Variants in IMMP2L observed in about 807,000 individuals in gnomAD.
IMMP2L encodes the protein inner mitochondrial membrane peptidase subunit 2.
In IMMP2L, 18 loss-of-function variants were observed where a neutral mutation model predicts 19.3. The observed-to-expected ratio is 0.93, with a 90% confidence interval of 0.64 to 1.38. The LOEUF is 1.38. Ranked by LOEUF, IMMP2L falls within the 40% of genes most tolerant of loss-of-function variation. The pLI, the probability that IMMP2L is intolerant of heterozygous loss-of-function variation, is 0.00. For synonymous variants in IMMP2L, 76 were observed against 73.0 expected (o/e 1.04, Z -0.21); for missense variants, 233 against 218.2 (o/e 1.07, Z -0.43).
At chr7:110,963,394 C>T (rs1819170963) in intron 4 of IMMP2L, 106 bp downstream of exon 4, 10 of 738,526 alleles carry the variant, frequency 1.4e-5, no homozygotes, top group Non-Finnish European at 2.2e-5. Flanking sequence ...TGGAATGTCT[C>T]CAAAACTTTG....
At chr7:110,922,248 T>G (rs533435635) in intron 4 of IMMP2L, among the ~76,000 whole-genome samples, 1 of 152,234 alleles carries the variant, frequency 6.6e-6, no homozygotes, top group Admixed American at 6.5e-5. Context: ...ATGGCAATGT[T>G]TGTAAACTGT....
chr7:110,784,888 C>T (rs984971546), intron 5 of IMMP2L, among the ~76,000 whole-genome samples: 3 of 151,858 alleles, frequency 2.0e-5, no homozygotes, highest in African/African-American at 7.2e-5. Context: ...TAGCCACTCA[C>T]CACAGAGATT....
chr7:111,236,051 T>A (rs1008226659), intron 3 of IMMP2L, among the ~76,000 whole-genome samples: 1 of 152,134 alleles, frequency 6.6e-6, no homozygotes, highest in Non-Finnish European at 1.5e-5. Context: ...CTTCCATTTC[T>A]GTGCTTAATG....
chr7:110,698,808 G>A lies in IMMP2L; in HGVS notation c.409-35087C>T, dbSNP rs772287016. Among the ~76,000 whole-genome samples, 3 of 152,186 alleles carry A rather than the reference G, an allele frequency of 2.0e-5. No individual in the cohort carries two copies. In the South Asian group the frequency reaches 6.2e-4, roughly 31 times the overall value. On this transcript the variant is annotated intron_variant, in intron 5 of 5. Transcript: ENST00000405709. The stretch of plus-strand genomic sequence containing the variant: ...ACATCATTTGAGTCATCACTTGCAA[G>A]TCTTTCAAAAGTTTTCATAAATATT...
intron 3 of IMMP2L, among the ~76,000 whole-genome samples, chr7:111,393,835 A>G (rs1414890059): frequency 6.6e-6 from 1 of 152,080 alleles, no homozygotes; most frequent in South Asian, 2.1e-4. Flanking sequence ...CCTTCTTTTG[A>G]TTCTCTGCTC....
chr7:111,316,840 T>C (rs976359817), intron 3 of IMMP2L, among the ~76,000 whole-genome samples: 4 of 143,180 alleles, frequency 2.8e-5, no homozygotes, highest in Admixed American at 7.5e-5. Context: ...GCTCCTTTTT[T>C]TTTTCTTTTT....
chr7:111,489,237 G>A (rs910715841), intron 2 of IMMP2L, among the ~76,000 whole-genome samples: 2 of 151,766 alleles, frequency 1.3e-5, no homozygotes, highest in African/African-American at 4.8e-5. Context: ...TAGAGACGGG[G>A]TTTCACCATG....
chr7:111,466,091 C>T (rs970564181), intron 3 of IMMP2L, among the ~76,000 whole-genome samples: 7 of 152,120 alleles, frequency 4.6e-5, no homozygotes, highest in African/African-American at 4.8e-5. Context: ...AACCAAACAC[C>T]ACTTGTTCTC....
At chr7:111,031,816 G>A (rs989093871) in intron 3 of IMMP2L, among the ~76,000 whole-genome samples, 1 of 151,902 alleles carries the variant, frequency 6.6e-6, no homozygotes, top group Non-Finnish European at 1.5e-5. Context: ...AGGTGATCAA[G>A]GTGATAAATC....
At chr7:111,055,191 A>G (rs1391112298) in intron 3 of IMMP2L, among the ~76,000 whole-genome samples, 1 of 152,024 alleles carries the variant, frequency 6.6e-6, no homozygotes, top group Non-Finnish European at 1.5e-5. Context: ...CTGGAACTAC[A>G]GGTGTGAGCC....
intron 5 of IMMP2L, among the ~76,000 whole-genome samples, chr7:110,726,074 T>C (rs1584624173): frequency 6.6e-6 from 1 of 152,326 alleles, no homozygotes; most frequent in South Asian, 2.1e-4. Context: ...AGCTGGAATT[T>C]GATCCAAATG....
chr7:111,267,879 A>G (rs1817996702), intron 3 of IMMP2L, among the ~76,000 whole-genome samples: 1 of 152,092 alleles, frequency 6.6e-6, no homozygotes. Context: ...TTGTATAAAA[A>G]TAGTGTCGGT....
intron 3 of IMMP2L, among the ~76,000 whole-genome samples, chr7:111,264,984 T>A (rs2129963503): frequency 6.6e-6 from 1 of 152,264 alleles, no homozygotes; most frequent in South Asian, 2.1e-4. Flanking sequence ...ATCTTGCAAA[T>A]AAGCAAGAGT....
At chr7:111,379,005 C>A (rs1830949826) in intron 3 of IMMP2L, among the ~76,000 whole-genome samples, 1 of 151,588 alleles carries the variant, frequency 6.6e-6, no homozygotes, top group South Asian at 2.1e-4. Context: ...TAGACCTTCC[C>A]ATATTTATGC....
chr7:111,224,036 A>G (rs1317647292), intron 3 of IMMP2L, among the ~76,000 whole-genome samples: 1 of 152,102 alleles, frequency 6.6e-6, no homozygotes, highest in Non-Finnish European at 1.5e-5. Context: ...AATATAGAAA[A>G]CAGAGCATCT....
At chr7:110,706,329 C>T (rs1016404011) in intron 5 of IMMP2L, among the ~76,000 whole-genome samples, 22 of 152,138 alleles carry the variant, frequency 1.4e-4, no homozygotes, top group African/African-American at 4.6e-4. Flanking sequence ...GTCTTGAACT[C>T]CAGGGCCCCA....
chr7:111,229,829 C>T (rs1813529753), intron 3 of IMMP2L, among the ~76,000 whole-genome samples: 1 of 152,048 alleles, frequency 6.6e-6, no homozygotes, highest in Admixed American at 6.6e-5. Context: ...ATTCTAAACT[C>T]TGCCCAAATA....
chr7:111,173,224 A>T (rs536154197), intron 3 of IMMP2L, among the ~76,000 whole-genome samples: 1 of 151,776 alleles, frequency 6.6e-6, no homozygotes, highest in Non-Finnish European at 1.5e-5. Context: ...TTAGATGATG[A>T]CATCTAAAAC....
chr7:111,482,174 T>C (rs1416745207), intron 3 of IMMP2L, among the ~76,000 whole-genome samples: 1 of 152,230 alleles, frequency 6.6e-6, no homozygotes, highest in Non-Finnish European at 1.5e-5. Flanking sequence ...GTGCTTGCTA[T>C]ATTAGACAGT....
Sources: allele counts gnomAD v4.1 joint callset (sites outside exome capture counted in the v4.1 genomes callset), GRCh38; gene constraint gnomAD v4.1.1; transcripts MANE v1.5; gene names NCBI Gene and HGNC (gene_info 2026-07-23, HGNC 2026-07-21).